PDS5B: variants seen among roughly 807,000 people sequenced by gnomAD.
PDS5B encodes PDS5 cohesin associated factor B.
In PDS5B, 51 loss-of-function variants were observed where a neutral mutation model predicts 184.1. The ratio of observed to expected loss-of-function variants is 0.28; its 90% CI spans 0.22 to 0.35. The LOEUF is 0.35. PDS5B is among the 10% of genes least tolerant of loss of function. The pLI, the probability that PDS5B is intolerant of heterozygous loss-of-function variation, is 1.00. For missense variants in PDS5B, 1,180 were observed against 1,723.3 expected (o/e 0.68, Z 5.58); for synonymous variants, 566 against 569.2 (o/e 0.99, Z 0.08).
intron 1 of PDS5B, among the ~76,000 whole-genome samples, chr13:32,608,002 C>G (rs58807671): frequency 2.0e-5 from 3 of 152,168 alleles, no homozygotes; most frequent in African/African-American, 7.2e-5. Flanking sequence ...CAACGCCTTG[C>G]GCTTCCCGGG....
At chr13:32,611,449 T>G (rs1481990482) in intron 1 of PDS5B, among the ~76,000 whole-genome samples, 1 of 152,048 alleles carries the variant, frequency 6.6e-6, no homozygotes, top group Non-Finnish European at 1.5e-5. Flanking sequence ...CTTCAGTAAT[T>G]GTTAAAACAG....
intron 1 of PDS5B, among the ~76,000 whole-genome samples, chr13:32,629,483 G>C (rs745836118): frequency 3.3e-5 from 5 of 152,018 alleles, no homozygotes; most frequent in Non-Finnish European, 5.9e-5. Context: ...GGATAAAAAG[G>C]GGTGGTTAAA....
intron 26 of PDS5B, among the ~76,000 whole-genome samples, chr13:32,757,444 C>T (rs1954223953): frequency 6.6e-6 from 1 of 152,250 alleles, no homozygotes; most frequent in African/African-American, 2.4e-5. Context: ...TACTTTTCTC[C>T]TCTATGTATC....
chr13:32,734,052 G>A (rs1039377511), intron 20 of PDS5B, among the ~76,000 whole-genome samples: 1 of 143,606 alleles, frequency 7.0e-6, no homozygotes, highest in Non-Finnish European at 1.5e-5. Context: ...TTCTGAGATA[G>A]AGTCTTGCTC....
At chr13:32,769,228 G>T (rs57913648) in intron 31 of PDS5B, among the ~76,000 whole-genome samples, 2 of 152,038 alleles carry the variant, frequency 1.3e-5, no homozygotes, top group Non-Finnish European at 2.9e-5. Context: ...CACTAACACC[G>T]CAGTAGTCAA....
chr13:32,588,488 T>G (rs1237535690), intron 1 of PDS5B, among the ~76,000 whole-genome samples: 1 of 152,224 alleles, frequency 6.6e-6, no homozygotes, highest in Non-Finnish European at 1.5e-5. Flanking sequence ...ATTGTTCTCT[T>G]CTCAGCTGGC....
At chr13:32,717,080 C>T (rs1952474178) in intron 19 of PDS5B, among the ~76,000 whole-genome samples, 2 of 150,752 alleles carry the variant, frequency 1.3e-5, no homozygotes, top group Non-Finnish European at 3.0e-5. Flanking sequence ...GGGGTCAGCC[C>T]CCCGCCCGGC....
intron 15 of PDS5B, among the ~76,000 whole-genome samples, chr13:32,698,779 A>T (rs1484264609): frequency 6.7e-6 from 1 of 150,046 alleles, no homozygotes; most frequent in East Asian, 1.9e-4. Flanking sequence ...TTTTTGAGAC[A>T]GTCTCACTCT....
chr13:32,605,351 GGTT>G (rs1165037308), intron 1 of PDS5B, among the ~76,000 whole-genome samples: 6 of 152,128 alleles, frequency 3.9e-5, no homozygotes, highest in African/African-American at 1.4e-4. Flanking sequence ...TTCAGGAGCT[GGTT>G]GTTCAGTTTC....
At chr13:32,734,846 C>T (rs1282664647) in intron 20 of PDS5B, among the ~76,000 whole-genome samples, 1 of 152,172 alleles carries the variant, frequency 6.6e-6, no homozygotes, top group Non-Finnish European at 1.5e-5. Context: ...CCCTAGCAGT[C>T]TCTAACACAT....
intron 19 of PDS5B, among the ~76,000 whole-genome samples, chr13:32,723,359 G>A (rs891782567): frequency 3.9e-5 from 6 of 152,068 alleles, no homozygotes; most frequent in Admixed American, 2.6e-4. Context: ...AGGGTTTCAT[G>A]TATTTTTCAG....
chr13:32,770,383 CT>C lies in PDS5B; in HGVS notation c.3888del (p.Gly1298ValfsTer11). ...KKGKRGRPPK[P>X]LGGGTPKEEP... Reference sequence around the variant, plus strand: ...GGTAAAAGAGGCCGACCACCAAAACCTCTTGGTGGAGGTACACCAAAAGAAG... The same window carrying C: ...GGTAAAAGAGGCCGACCACCAAAACCCTTGGTGGAGGTACACCAAAAGAAG... On this transcript the variant is annotated frameshift_variant, in exon 32 of 35. Transcript: ENST00000315596. LOFTEE classifies it high-confidence loss of function. 1 of 1,613,340 alleles carries C rather than the reference CT, an allele frequency of 6.2e-7. No homozygotes were observed. The highest frequency in any genetic ancestry group is 8.5e-7 in the Non-Finnish European group (1 of 1,179,906).
chr13:32,665,004 A>G (rs1406791212), intron 6 of PDS5B, among the ~76,000 whole-genome samples: 1 of 152,230 alleles, frequency 6.6e-6, no homozygotes, highest in Non-Finnish European at 1.5e-5. Context: ...TAATCTTGAC[A>G]TTATTTTCAT....
intron 3 of PDS5B, among the ~76,000 whole-genome samples, chr13:32,655,374 A>ATTTTTTTTTTT (rs1228814649): frequency 5.5e-5 from 4 of 72,464 alleles, no homozygotes; most frequent in Non-Finnish European, 6.7e-5. Context: ...ATATATATAT[A>ATTTTTTTTTTT]TTTTTTTTTT....
At chr13:32,703,731 C>G (rs1951927580) in intron 17 of PDS5B, among the ~76,000 whole-genome samples, 1 of 152,142 alleles carries the variant, frequency 6.6e-6, no homozygotes, top group African/African-American at 2.4e-5. Context: ...TCCATTTCAT[C>G]TGACTCTTCC....
At chr13:32,615,055 A>G (rs889823329) in intron 1 of PDS5B, among the ~76,000 whole-genome samples, 5 of 152,220 alleles carry the variant, frequency 3.3e-5, no homozygotes, top group Admixed American at 3.3e-4. Flanking sequence ...ATCAAGAGAC[A>G]ACATCACCGA....
chr13:32,735,375 T>G, intron 21 of PDS5B, 45 bp downstream of exon 21: 1 of 1,400,462 alleles, frequency 7.1e-7, no homozygotes. Context: ...ATGTTAACTT[T>G]TGCAATTTTA....
chr13:32,609,341 TAC>T (rs1165109098), intron 1 of PDS5B, among the ~76,000 whole-genome samples: 2 of 152,148 alleles, frequency 1.3e-5, no homozygotes, highest in African/African-American at 2.4e-5. Context: ...GTTAATTATA[TAC>T]AGAGATTTTT....
chr13:32,613,717 A>G lies in PDS5B; in HGVS notation c.-20+27124A>G, dbSNP rs150171539. Among the ~76,000 whole-genome samples, 311 of 152,310 alleles carry G rather than the reference A, an allele frequency of 2.0e-3. 2 individuals are homozygous for G. Among genetic ancestry groups the G allele is most frequent in the African/African-American group, 7.3e-3 (302 of 41,564 alleles). ...TTACTTTGTTGATGGTAGCTTCTGA[A>G]GCACAAAAGTTGTAAGTTTTAATCA... On this transcript the variant is annotated intron_variant, in intron 1 of 34. Transcript: ENST00000315596.
Sources: gnomAD v4.1 joint callset for allele counts (sites outside exome capture counted in the v4.1 genomes callset) on GRCh38, gnomAD v4.1.1 for gene constraint, MANE v1.5 for transcripts, NCBI Gene and HGNC (gene_info 2026-07-23, HGNC 2026-07-21) for gene names.